The following ANKRD17 variants were observed in gnomAD, a reference collection of about 807,000 sequenced individuals.
ANKRD17 encodes ankyrin repeat domain-containing protein 17.
ANKRD17 carries 19 observed loss-of-function variants against 229.7 expected under a neutral mutation model. That is an observed-to-expected ratio of 0.08 (90% CI 0.06 to 0.12). ANKRD17 has a LOEUF of 0.12. ANKRD17 is among the 10% of genes least tolerant of loss of function. The pLI, the probability that ANKRD17 is intolerant of heterozygous loss-of-function variation, is 1.00. For missense variants in ANKRD17, 2,176 were observed against 3,176.8 expected (o/e 0.68, Z 7.57); for synonymous variants, 1,112 against 1,146.1 (o/e 0.97, Z 0.60).
chr4:73,156,589 A>G (rs902982684), intron 3 of ANKRD17, among the ~76,000 whole-genome samples: 1 of 151,946 alleles, frequency 6.6e-6, no homozygotes, highest in Admixed American at 6.6e-5. Flanking sequence ...AGTTCTCATG[A>G]TATCTGTTTG....
chr4:73,228,660 C>A (rs1742747146), intron 1 of ANKRD17, among the ~76,000 whole-genome samples: 1 of 152,106 alleles, frequency 6.6e-6, no homozygotes, highest in South Asian at 2.1e-4. Flanking sequence ...ATTTAATACT[C>A]CATAATTGTT....
intron 10 of ANKRD17, 143 bp downstream of exon 10, chr4:73,146,617 CTAAG>C (rs1405697192): frequency 2.9e-5 from 17 of 584,260 alleles, no homozygotes; most frequent in Admixed American, 9.8e-5. Flanking sequence ...AAAAATGTGA[CTAAG>C]TGAGAGAAAG....
intron 2 of ANKRD17, among the ~76,000 whole-genome samples, chr4:73,176,196 G>C (rs1734714068): frequency 6.6e-6 from 1 of 152,134 alleles, no homozygotes; most frequent in Admixed American, 6.6e-5. Flanking sequence ...ATACACATAT[G>C]AAAAGGTATC....
rs561765553 is a variant in ANKRD17, at chr4:73,198,989, T to C, written c.394-21456A>G. ...AGCATCAAAAACTTAAACTACTCTTTGGGAACAAATTCAAGAGAAAACTTC... is the reference window on the plus strand; with the variant it reads ...AGCATCAAAAACTTAAACTACTCTTCGGGAACAAATTCAAGAGAAAACTTC... On this transcript the variant is annotated intron_variant, in intron 1 of 33. Coordinates refer to ENST00000358602, the MANE Select transcript of ANKRD17 (RefSeq NM_032217.5). 5.5e-4 allele frequency among the ~76,000 whole-genome samples: 83 copies of C among 152,280 alleles called. 1 individual carries two copies. The South Asian group carries it at 0.016, about 29-fold the overall frequency.
At chr4:73,217,178 C>T (rs544322073) in intron 1 of ANKRD17, among the ~76,000 whole-genome samples, 2 of 152,294 alleles carry the variant, frequency 1.3e-5, no homozygotes, top group South Asian at 2.1e-4. Context: ...CAGTGGGAAA[C>T]TAGTGGTTCA....
intron 6 of ANKRD17, among the ~76,000 whole-genome samples, chr4:73,153,063 G>A (rs1215670089): frequency 6.6e-6 from 1 of 152,108 alleles, no homozygotes; most frequent in Non-Finnish European, 1.5e-5. Flanking sequence ...CCAGAACTAG[G>A]GTGAGGAAAT....
Position 73,168,665 on chromosome 4 carries a change from A to G in ANKRD17, c.548-7317T>C, listed in dbSNP as rs192756793. ...CACGGAATTAGCAAATACTACACTC[A>G]ACCACTGCTCCTGGGAGAAATATAG... On this transcript the variant is annotated intron_variant, in intron 2 of 33. Transcript: ENST00000358602. Among the ~76,000 whole-genome samples the G allele has an allele frequency of 1.1e-3, 162 of 152,312 alleles. 2 individuals carry two copies. Among genetic ancestry groups the G allele is most frequent in the Admixed American group, 3.1e-3 (47 of 15,298 alleles).
intron 2 of ANKRD17, among the ~76,000 whole-genome samples, chr4:73,164,685 G>A (rs1732995700): frequency 6.6e-6 from 1 of 152,040 alleles, no homozygotes; most frequent in Admixed American, 6.5e-5. Context: ...CCAGCTACTT[G>A]GGAGGCTGAG....
rs368835185 is a variant in ANKRD17, at chr4:73,155,567, T to C, written c.1000+64A>G. ...AAATTAGCACTAAACATCACTTTCA[T>C]GCAAAATCATTATTACCAAATGATG... On this transcript the variant is annotated intron_variant, in intron 5 of 33. Coordinates refer to ENST00000358602, the MANE Select transcript of ANKRD17 (RefSeq NM_032217.5). 130 of 1,584,450 alleles carry C rather than the reference T, an allele frequency of 8.2e-5. No homozygotes were observed. In the African/African-American group the frequency reaches 1.5e-3, roughly 19 times the overall value.
chr4:73,142,079 T>A (rs1426217109), intron 13 of ANKRD17, among the ~76,000 whole-genome samples, 163 bp downstream of exon 13: 4 of 152,084 alleles, frequency 2.6e-5, no homozygotes, highest in Non-Finnish European at 5.9e-5. Flanking sequence ...TCATCTAGGA[T>A]CTGAATATTG....
chr4:73,200,998 G>GGC (rs1491486301), intron 1 of ANKRD17, among the ~76,000 whole-genome samples: 1 of 76,324 alleles, frequency 1.3e-5, no homozygotes, highest in Admixed American at 1.8e-4. Flanking sequence ...GGGGGGGGGG[G>GGC]GAGATTCTTA....
At chr4:73,239,662 C>A (rs1326838177) in intron 1 of ANKRD17, among the ~76,000 whole-genome samples, 1 of 152,044 alleles carries the variant, frequency 6.6e-6, no homozygotes, top group Non-Finnish European at 1.5e-5. Flanking sequence ...TATAAAAAAT[C>A]TTCAACTCTT....
intron 4 of ANKRD17, 46 bp from the exon 5 acceptor site, chr4:73,155,824 C>G: frequency 6.3e-7 from 1 of 1,596,228 alleles, no homozygotes; most frequent in East Asian, 2.3e-5. Context: ...AAATAATCGT[C>G]AAAAAATTTT....
intron 1 of ANKRD17, among the ~76,000 whole-genome samples, chr4:73,257,689 TCAG>T (rs1381971258): frequency 6.6e-6 from 1 of 152,182 alleles, no homozygotes; most frequent in African/African-American, 2.4e-5. Flanking sequence ...TGAAGTTACT[TCAG>T]CAGCCAGGAT....
intron 6 of ANKRD17, among the ~76,000 whole-genome samples, chr4:73,152,402 A>G (rs1194484162): frequency 6.6e-6 from 1 of 151,986 alleles, no homozygotes. Context: ...CAAAATCCAC[A>G]TTAGTGCTCA....
In ANKRD17 at chr4:73,196,557, CACAA is replaced by C. The variant is rs536744421; in HGVS notation, c.394-19028_394-19025del. On this transcript the variant is annotated intron_variant, in intron 1 of 33. Transcript: ENST00000358602. Reference sequence around the variant, plus strand: ...ATATACGTTTATATTTACACACACACACAAACATATACTTATGTCTGATTTTAAG... The same window carrying C: ...ATATACGTTTATATTTACACACACACACATATACTTATGTCTGATTTTAAG... Among the ~76,000 whole-genome samples the C allele has an allele frequency of 3.7e-3, 568 of 152,274 alleles. 17 individuals are homozygous for C. The highest frequency in any genetic ancestry group is 0.03 in the Admixed American group (455 of 15,304).
At chr4:73,172,829 A>C (rs1433481599) in intron 2 of ANKRD17, among the ~76,000 whole-genome samples, 1 of 152,222 alleles carries the variant, frequency 6.6e-6, no homozygotes, top group Non-Finnish European at 1.5e-5. Context: ...CAAAAAATAA[A>C]AAGCAAGAAA....
chr4:73,181,930 C>G (rs1451458883), intron 1 of ANKRD17, among the ~76,000 whole-genome samples: 16 of 150,866 alleles, frequency 1.1e-4, no homozygotes. Flanking sequence ...CTCCTATAAT[C>G]CCAGCTACTT....
intron 2 of ANKRD17, among the ~76,000 whole-genome samples, chr4:73,173,562 T>C (rs1459703298): frequency 6.6e-6 from 1 of 152,098 alleles, no homozygotes; most frequent in Non-Finnish European, 1.5e-5. Context: ...AAAACCAAAA[T>C]AATTCACAGA....
Sources: gnomAD v4.1 joint callset for allele counts (sites outside exome capture counted in the v4.1 genomes callset) on GRCh38, gnomAD v4.1.1 for gene constraint, MANE v1.5 for transcripts, NCBI Gene and HGNC (gene_info 2026-07-23, HGNC 2026-07-21) for gene names.